The following PCDH9 variants were observed in gnomAD, a reference collection of about 807,000 sequenced individuals.
PCDH9 encodes protocadherin-9.
Under a neutral mutation model 70.6 loss-of-function variants are expected in PCDH9, and 24 were observed. That is an observed-to-expected ratio of 0.34 (90% CI 0.25 to 0.48). The LOEUF (loss-of-function observed/expected upper bound fraction) is 0.48. Ranked by LOEUF, PCDH9 falls within the 20% of genes least tolerant of loss-of-function variation. The probability of loss-of-function intolerance (pLI) is 0.99; values close to 1 mark genes in which losing one functional copy is unlikely to be tolerated. For synonymous variants in PCDH9, 562 were observed against 558.5 expected (o/e 1.01, Z -0.09); for missense variants, 1,281 against 1,503.6 (o/e 0.85, Z 2.45).
chr13:66,679,117 G>A (rs902079453), intron 3 of PCDH9, among the ~76,000 whole-genome samples: 4 of 151,046 alleles, frequency 2.6e-5, no homozygotes, highest in Admixed American at 1.3e-4. Flanking sequence ...GAGCTTTTTC[G>A]GTATTTTCTA....
In PCDH9 at chr13:67,021,623, G is replaced by A. The variant is rs142575603; in HGVS notation, c.3037-118018C>T. ...TGCCCAGGCTGGAGTGCAGTGGTGC[G>A]ATCTCTGCTTACTGCAACCTCCACC... On this transcript the variant is annotated intron_variant, in intron 2 of 4. Coordinates refer to ENST00000377865, the MANE Select transcript of PCDH9 (RefSeq NM_203487.3). 2.8e-4 allele frequency among the ~76,000 whole-genome samples: 42 copies of A among 151,982 alleles called. No individual in the cohort carries two copies. The East Asian group carries it at 6.6e-3, about 24-fold the overall frequency.
chr13:67,132,562 G>C (rs1056956099), intron 2 of PCDH9, among the ~76,000 whole-genome samples: 1 of 152,014 alleles, frequency 6.6e-6, no homozygotes, highest in Non-Finnish European at 1.5e-5. Context: ...GTGTCAAATA[G>C]GTGGTAACAT....
chr13:66,738,435 C>T, intron 3 of PCDH9, among the ~76,000 whole-genome samples: 1 of 150,884 alleles, frequency 6.6e-6, no homozygotes. Context: ...CGCAGAGCGC[C>T]TCTCCTCCTC....
intron 2 of PCDH9, among the ~76,000 whole-genome samples, chr13:67,093,350 A>G (rs1309932654): frequency 6.6e-6 from 1 of 152,112 alleles, no homozygotes; most frequent in Non-Finnish European, 1.5e-5. Context: ...GCTACCTGGT[A>G]GGCTGAGGCA....
At chr13:66,941,806 C>T (rs2139683828) in intron 2 of PCDH9, among the ~76,000 whole-genome samples, 1 of 151,946 alleles carries the variant, frequency 6.6e-6, no homozygotes, top group East Asian at 1.9e-4. Context: ...ACTTTAGCAA[C>T]ATAATCAACT....
At chr13:66,922,941 G>A (rs1394355246) in intron 2 of PCDH9, among the ~76,000 whole-genome samples, 1 of 151,166 alleles carries the variant, frequency 6.6e-6, no homozygotes, top group African/African-American at 2.4e-5. Flanking sequence ...CACTTTAGAA[G>A]TGTGTTTTTT....
chr13:66,538,862 A>G (rs1960823251), intron 4 of PCDH9, among the ~76,000 whole-genome samples: 1 of 152,100 alleles, frequency 6.6e-6, no homozygotes, highest in Non-Finnish European at 1.5e-5. Context: ...GTAAGAGTCT[A>G]GTCTTAGCAA....
chr13:66,325,129 A>T (rs1318057582), intron 4 of PCDH9, among the ~76,000 whole-genome samples: 1 of 152,044 alleles, frequency 6.6e-6, no homozygotes, highest in East Asian at 1.9e-4. Context: ...CAAATTCTGG[A>T]CAACAAAACA....
chr13:67,211,845 A>G (rs972949845), intron 2 of PCDH9: 15 of 152,100 alleles, frequency 9.9e-5, no homozygotes, highest in Non-Finnish European at 1.9e-4. Context: ...TTTAATATCT[A>G]TGTTCCATAT....
At chr13:67,086,959 G>T (rs574720772) in intron 2 of PCDH9, among the ~76,000 whole-genome samples, 1 of 152,004 alleles carries the variant, frequency 6.6e-6, no homozygotes, top group African/African-American at 2.4e-5. Context: ...AGATTTTTTT[G>T]CAGAGAATAA....
At chr13:67,054,904 G>A (rs1415040346) in intron 2 of PCDH9, among the ~76,000 whole-genome samples, 1 of 152,076 alleles carries the variant, frequency 6.6e-6, no homozygotes, top group Non-Finnish European at 1.5e-5. Context: ...ATTTGAAAGG[G>A]GAAATGAGAG....
At chr13:67,089,812 T>A (rs2086180969) in intron 2 of PCDH9, among the ~76,000 whole-genome samples, 1 of 152,012 alleles carries the variant, frequency 6.6e-6, no homozygotes, top group Non-Finnish European at 1.5e-5. Context: ...GATAGAGAGA[T>A]CCTTAGATGA....
At chr13:66,363,348 G>GT (rs1179382490) in intron 4 of PCDH9, among the ~76,000 whole-genome samples, 1 of 151,818 alleles carries the variant, frequency 6.6e-6, no homozygotes, top group Non-Finnish European at 1.5e-5. Flanking sequence ...TATCTTTTTA[G>GT]TTTTTTTGGC....
chr13:66,727,011 G>A (rs2079014214), intron 3 of PCDH9, among the ~76,000 whole-genome samples: 1 of 152,150 alleles, frequency 6.6e-6, no homozygotes, highest in South Asian at 2.1e-4. Context: ...TAATCCAGGT[G>A]CTTTGAGAGG....
intron 3 of PCDH9, among the ~76,000 whole-genome samples, chr13:66,719,389 G>T (rs866297968): frequency 6.6e-6 from 1 of 152,136 alleles, no homozygotes; most frequent in South Asian, 2.1e-4. Context: ...TAGTCAGGAG[G>T]TCTCTGCCCT....
intron 4 of PCDH9, among the ~76,000 whole-genome samples, chr13:66,446,527 C>T (rs1022249526): frequency 1.3e-5 from 2 of 152,004 alleles, no homozygotes; most frequent in African/African-American, 4.8e-5. Context: ...TGATTTATAA[C>T]GGATATTAAA....
chr13:66,744,297 A>T (rs866352375), intron 3 of PCDH9, among the ~76,000 whole-genome samples: 117 of 152,322 alleles, frequency 7.7e-4, no homozygotes, highest in African/African-American at 2.7e-3. Flanking sequence ...ACAGAACCAA[A>T]ATATTTATTT....
In PCDH9 at chr13:66,801,456, C is replaced by T. The variant is rs563051448; in HGVS notation, c.3138+102048G>A. ...TATTTGCCCTGTAACAAATTTCCAT[C>T]TTAAAGCAAAATGAAGTTTACATAT... On this transcript the variant is annotated intron_variant, in intron 3 of 4. Transcript: ENST00000377865. Among the ~76,000 whole-genome samples, 5 of 152,172 alleles carry T rather than the reference C, an allele frequency of 3.3e-5. No homozygotes were observed. In the South Asian group the frequency reaches 1.0e-3, roughly 31 times the overall value.
At chr13:67,075,835 G>A (rs2085867931) in intron 2 of PCDH9, among the ~76,000 whole-genome samples, 1 of 151,732 alleles carries the variant, frequency 6.6e-6, no homozygotes. Flanking sequence ...TAATAATACT[G>A]GTATACCATA....
Sources: allele counts gnomAD v4.1 joint callset (sites outside exome capture counted in the v4.1 genomes callset), GRCh38; gene constraint gnomAD v4.1.1; transcripts MANE v1.5; gene names NCBI Gene and HGNC (gene_info 2026-07-23, HGNC 2026-07-21).